ARMH4: variants seen among roughly 807,000 people sequenced by gnomAD.
The protein encoded by ARMH4 is armadillo-like helical domain-containing protein 4.
ARMH4 carries 49 observed loss-of-function variants against 61.9 expected under a neutral mutation model. The observed-to-expected ratio is 0.79, with a 90% CI of 0.63 to 1.00. The LOEUF is 1.00. ARMH4 is among the 50% of genes least tolerant of loss of function. The pLI, the probability that ARMH4 is intolerant of heterozygous loss-of-function variation, is 0.00. For missense variants in ARMH4, 934 were observed against 930.0 expected, an observed-to-expected ratio of 1.00 and a Z score of -0.06; for synonymous variants, 368 against 341.5, an observed-to-expected ratio of 1.08 and a Z score of -0.85.
chr14:58,129,383 C>G (rs569942490), intron 4 of ARMH4, among the ~76,000 whole-genome samples: 2 of 152,134 alleles, frequency 1.3e-5, no homozygotes, highest in Non-Finnish European at 2.9e-5. Context: ...TACCTCATTT[C>G]CCAGAGAAAT....
intron 4 of ARMH4, among the ~76,000 whole-genome samples, chr14:58,113,100 A>G (rs1344030847): frequency 6.6e-6 from 1 of 152,190 alleles, no homozygotes; most frequent in Non-Finnish European, 1.5e-5. Context: ...AAAAAGCAAC[A>G]TTCTATTGTA....
rs1886602734 is a variant in ARMH4 at position 58,118,428 on chromosome 14, G to A, written c.1831+13084C>T. Among the ~76,000 whole-genome samples, 3 of 151,456 alleles carry A rather than the reference G, an allele frequency of 2.0e-5. No individual in the cohort carries two copies. In the South Asian group the frequency reaches 6.3e-4, roughly 32 times the overall value. ...AAACAGGACAGACAGTACGTATGCA[G>A]GGGGTAGGGGCTCACTACTACTTGG... On this transcript the variant is annotated intron_variant, in intron 4 of 7. Coordinates refer to ENST00000267485, the MANE Select transcript of ARMH4 (RefSeq NM_001001872.4).
At chr14:58,009,092 T>C (rs1019575962) in intron 6 of ARMH4, among the ~76,000 whole-genome samples, 7 of 152,164 alleles carry the variant, frequency 4.6e-5, no homozygotes, top group Non-Finnish European at 8.8e-5. Flanking sequence ...TCCATTCTTT[T>C]CTTCTTCTAT....
At chr14:58,007,216 G>GTCTCCTCATACTCTGTA (rs1315343210) in intron 6 of ARMH4, among the ~76,000 whole-genome samples, 4 of 152,182 alleles carry the variant, frequency 2.6e-5, no homozygotes, top group African/African-American at 4.8e-5. Flanking sequence ...CTCTGTGCAT[G>GTCTCCTCATACTCTGTA]TCTCCTCATA....
At chr14:58,040,607 T>C (rs555445864) in intron 5 of ARMH4, among the ~76,000 whole-genome samples, 2 of 152,258 alleles carry the variant, frequency 1.3e-5, no homozygotes. Flanking sequence ...CTATTGTGAA[T>C]AGTGCTGCAA....
chr14:58,046,088 T>C (rs1348659865), intron 5 of ARMH4, among the ~76,000 whole-genome samples: 1 of 152,220 alleles, frequency 6.6e-6, no homozygotes, highest in African/African-American at 2.4e-5. Context: ...ACCCAGTTTA[T>C]GGTCTTTTGT....
At chr14:58,012,331 A>T (rs1353669796) in intron 5 of ARMH4, among the ~76,000 whole-genome samples, 181 bp from the exon 6 acceptor site, 2 of 152,184 alleles carry the variant, frequency 1.3e-5, no homozygotes, top group African/African-American at 4.8e-5. Context: ...TGCAATGGAG[A>T]GCACAAACAT....
chr14:58,086,283 AT>A (rs1410779614), intron 5 of ARMH4, among the ~76,000 whole-genome samples: 1 of 152,222 alleles, frequency 6.6e-6, no homozygotes, highest in Non-Finnish European at 1.5e-5. Flanking sequence ...AAAATAAAAA[AT>A]AAAATGTTAG....
intron 2 of ARMH4, among the ~76,000 whole-genome samples, chr14:58,137,205 T>C (rs1252123008): frequency 2.6e-5 from 4 of 152,168 alleles, no homozygotes; most frequent in African/African-American, 7.2e-5. Context: ...GCTGGGATAA[T>C]TCTTTGTTAT....
At chr14:58,142,381 C>A (rs1887593257) in intron 1 of ARMH4, among the ~76,000 whole-genome samples, 1 of 152,174 alleles carries the variant, frequency 6.6e-6, no homozygotes, top group African/African-American at 2.4e-5. Flanking sequence ...AAGGTAAAGT[C>A]CTCAGGACAT....
At chr14:58,128,811 TCAAGTC>T (rs1886987960) in intron 4 of ARMH4, among the ~76,000 whole-genome samples, 1 of 152,198 alleles carries the variant, frequency 6.6e-6, no homozygotes, top group South Asian at 2.1e-4. Context: ...AATGGTATGT[TCAAGTC>T]CTGACCGGTA....
chr14:58,129,584 A>C (rs1887017281), intron 4 of ARMH4, among the ~76,000 whole-genome samples: 1 of 152,244 alleles, frequency 6.6e-6, no homozygotes, highest in African/African-American at 2.4e-5. Context: ...TTCAAGCTGC[A>C]CTTATATTCC....
At chr14:58,130,672 C>A (rs1203335267) in intron 4 of ARMH4, among the ~76,000 whole-genome samples, 1 of 152,162 alleles carries the variant, frequency 6.6e-6, no homozygotes, top group Non-Finnish European at 1.5e-5. Context: ...AAGCCAATGT[C>A]TTGGAAAGTA....
intron 4 of ARMH4, among the ~76,000 whole-genome samples, chr14:58,116,802 A>AT (rs1166383814): frequency 6.6e-6 from 1 of 152,230 alleles, no homozygotes; most frequent in Admixed American, 6.5e-5. Context: ...ACCGATTTAC[A>AT]TAAGTACCTT....
intron 5 of ARMH4, among the ~76,000 whole-genome samples, chr14:58,041,119 G>A (rs1228876413): frequency 6.6e-6 from 1 of 152,146 alleles, no homozygotes; most frequent in African/African-American, 2.4e-5. Flanking sequence ...GTGGCTGCAG[G>A]ACAGTGGGTG....
At chr14:58,118,860 C>T (rs957857994) in intron 4 of ARMH4, among the ~76,000 whole-genome samples, 2 of 152,080 alleles carry the variant, frequency 1.3e-5, no homozygotes. Flanking sequence ...TCTTCCTGAG[C>T]CAGAGTTTTA....
At chr14:58,049,238 C>CAAAAAAAAAAAA (rs535936500) in intron 5 of ARMH4, among the ~76,000 whole-genome samples, 1 of 64,046 alleles carries the variant, frequency 1.6e-5, no homozygotes, top group Non-Finnish European at 3.3e-5. Flanking sequence ...GACTCCGTCC[C>CAAAAAAAAAAAA]AAAAAAAAAA....
At position 58,111,305 on chromosome 14, in the gene ARMH4, A is replaced by G. The variant is rs899700465; in HGVS notation, c.1832-14324T>C. Among the ~76,000 whole-genome samples the G allele has an allele frequency of 2.6e-5, 4 of 152,222 alleles. 1 individual carries two copies. Among genetic ancestry groups the G allele is most frequent in the Admixed American group, 2.0e-4 (3 of 15,284 alleles). ...ATAATTCAATATAGTAACTCCTTAA[A>G]AAAGAAAACCATATCATCATCTTAA... On this transcript the variant is annotated intron_variant, in intron 4 of 7. Coordinates refer to ENST00000267485, the MANE Select transcript of ARMH4 (RefSeq NM_001001872.4).
intron 4 of ARMH4, among the ~76,000 whole-genome samples, chr14:58,110,846 C>A (rs1330980794): frequency 1.3e-5 from 2 of 152,140 alleles, no homozygotes; most frequent in Non-Finnish European, 2.9e-5. Flanking sequence ...CTCAGCCTCC[C>A]AAGTAGTTGG....
Sources: allele counts gnomAD v4.1 joint callset (sites outside exome capture counted in the v4.1 genomes callset), GRCh38; gene constraint gnomAD v4.1.1; transcripts MANE v1.5; gene names NCBI Gene and HGNC (gene_info 2026-07-23, HGNC 2026-07-21).